The following NAALADL2 variants were observed in gnomAD, a reference collection of about 807,000 sequenced individuals.
NAALADL2 encodes the protein inactive N-acetylated-alpha-linked acidic dipeptidase-like protein 2.
Under a neutral mutation model 87.2 loss-of-function variants are expected in NAALADL2, and 76 were observed. That is an observed-to-expected ratio of 0.87 (90% CI 0.72 to 1.05). The LOEUF is 1.05. Among genes scored for constraint, NAALADL2 ranks in the 50% least tolerant of loss-of-function variants. The pLI is 0.00. For synonymous variants in NAALADL2, 354 were observed against 331.0 expected (o/e 1.07, Z -0.75); for missense variants, 1,089 against 945.8 (o/e 1.15, Z -1.99).
chr3:175,462,607 G>A (rs1723314795), intron 6 of NAALADL2, among the ~76,000 whole-genome samples: 1 of 152,092 alleles, frequency 6.6e-6, no homozygotes, highest in Admixed American at 6.6e-5. Context: ...TTAAACCTCT[G>A]CTTTAAGGAA....
intron 9 of NAALADL2, chr3:175,487,578 C>G (rs1318113231): frequency 6.6e-6 from 3 of 454,826 alleles, no homozygotes; most frequent in Non-Finnish European, 1.3e-5. Context: ...CCACAGAGCT[C>G]TTATATGAAG....
At chr3:174,536,573 C>T (rs979782892) in intron 1 of NAALADL2, 3 of 152,096 alleles carry the variant, frequency 2.0e-5, no homozygotes, top group African/African-American at 7.2e-5. Context: ...TTTTAGAATA[C>T]TGTGTGTCAG....
intron 13 of NAALADL2, among the ~76,000 whole-genome samples, chr3:175,796,459 A>C (rs1753508793): frequency 6.6e-6 from 1 of 152,214 alleles, no homozygotes; most frequent in African/African-American, 2.4e-5. Context: ...CTTAATTCTC[A>C]TTCTGCTTTT....
At chr3:175,650,093 T>G (rs2149785783) in intron 11 of NAALADL2, among the ~76,000 whole-genome samples, 1 of 144,810 alleles carries the variant, frequency 6.9e-6, no homozygotes, top group South Asian at 2.2e-4. Context: ...TTTCTATCAA[T>G]TTTGCAAGTA....
rs751431907 is a variant in NAALADL2 at position 175,544,672 on chromosome 3, G to GT, written c.1654-31363dup. Among the ~76,000 whole-genome samples the GT allele has an allele frequency of 9.5e-4, 145 of 152,186 alleles. 1 individual carries two copies. The highest frequency in any genetic ancestry group is 1.7e-3 in the Non-Finnish European group (117 of 67,974). On this transcript the variant is annotated intron_variant, in intron 9 of 13. Transcript: ENST00000454872. ...TTTGGATATTTGCCTATTTTATAAT[G>GT]TTTTTTCAATGCTCCTTCTCCCTTC...
intron 1 of NAALADL2, among the ~76,000 whole-genome samples, chr3:174,486,707 A>G (rs1003566606): frequency 6.6e-6 from 1 of 151,978 alleles, no homozygotes; most frequent in Non-Finnish European, 1.5e-5. Flanking sequence ...AGCTCCTTAC[A>G]TGCTGGGTAA....
At chr3:174,827,479 T>C (rs541481175) in intron 3 of NAALADL2, among the ~76,000 whole-genome samples, 1 of 152,332 alleles carries the variant, frequency 6.6e-6, no homozygotes, top group South Asian at 2.1e-4. Flanking sequence ...CAAGTCTGTT[T>C]CACATCACTT....
chr3:175,097,172 A>G lies in NAALADL2; in HGVS notation c.426A>G (p.Ile142Met). The part of the protein sequence containing the change: ...ATILFIFGIL[I>M]GYYVHTNCPS... ...TTTTATTTATTTTTGGGATTTTGAT[A>G]GGTTATTATGTACATACAAATTGCC... is the stretch of plus-strand genomic sequence containing the variant. Residue 142 changes from isoleucine to methionine, a missense_variant, in exon 2 of 14, where the codon ATA becomes ATG. Physicochemically the swap from Ile to Met is conservative, Grantham distance 10. Coordinates refer to ENST00000454872, the MANE Select transcript of NAALADL2 (RefSeq NM_207015.3). The G allele has an allele frequency of 6.2e-7, 1 of 1,613,800 alleles. No homozygotes were observed. Among genetic ancestry groups the G allele is most frequent in the Non-Finnish European group, 8.5e-7 (1 of 1,179,724 alleles).
chr3:174,768,677 A>C (rs1714161685), intron 3 of NAALADL2, among the ~76,000 whole-genome samples: 1 of 152,138 alleles, frequency 6.6e-6, no homozygotes, highest in African/African-American at 2.4e-5. Context: ...ATATGGTTAA[A>C]AGTTTGAATA....
At chr3:175,130,761 A>G (rs559230608) in intron 2 of NAALADL2, among the ~76,000 whole-genome samples, 51 of 152,258 alleles carry the variant, frequency 3.3e-4, no homozygotes, top group African/African-American at 1.1e-3. Flanking sequence ...TTTCACTGGT[A>G]TATATGTCTG....
At chr3:174,734,277 T>G in intron 2 of NAALADL2, among the ~76,000 whole-genome samples, 1 of 152,332 alleles carries the variant, frequency 6.6e-6, no homozygotes, top group East Asian at 1.9e-4. Flanking sequence ...CTGAATTATG[T>G]GTGTGTATAG....
chr3:175,016,610 G>T (rs1179006185), intron 1 of NAALADL2, among the ~76,000 whole-genome samples: 1 of 151,564 alleles, frequency 6.6e-6, no homozygotes, highest in Non-Finnish European at 1.5e-5. Context: ...GCAAATTAAA[G>T]AAATCTTCTT....
At chr3:175,014,725 A>G (rs575999840) in intron 1 of NAALADL2, among the ~76,000 whole-genome samples, 2 of 152,276 alleles carry the variant, frequency 1.3e-5, no homozygotes, top group East Asian at 3.9e-4. Context: ...GGATTACAAA[A>G]TTATTTCTGC....
chr3:175,439,433 G>A (rs943358567), intron 5 of NAALADL2, among the ~76,000 whole-genome samples: 3 of 151,896 alleles, frequency 2.0e-5, no homozygotes, highest in Non-Finnish European at 4.4e-5. Context: ...TTTCCATAGT[G>A]GTTGTACTAG....
In NAALADL2 at chr3:175,001,378, C is replaced by T. The variant is rs184845861; in HGVS notation, c.44-95412C>T. On this transcript the variant is annotated intron_variant, in intron 1 of 13. Coordinates refer to ENST00000454872, the MANE Select transcript of NAALADL2 (RefSeq NM_207015.3). ...CACTCCAGATCTCATGAATCAGAATCTACATTTTAATATAATTTCCCAGGT... is the reference window on the plus strand; with the variant it reads ...CACTCCAGATCTCATGAATCAGAATTTACATTTTAATATAATTTCCCAGGT... 2.0e-5 allele frequency among the ~76,000 whole-genome samples: 3 copies of T among 152,260 alleles called. 1 individual carries two copies. The highest frequency in any genetic ancestry group is 2.0e-4 in the Admixed American group (3 of 15,274).
intron 5 of NAALADL2, among the ~76,000 whole-genome samples, chr3:175,391,776 C>A (rs1165823456): frequency 6.6e-6 from 1 of 152,118 alleles, no homozygotes; most frequent in Non-Finnish European, 1.5e-5. Context: ...AAGGCAGGAT[C>A]TTTTTCTGAA....
intron 1 of NAALADL2, among the ~76,000 whole-genome samples, chr3:175,011,468 A>G (rs533692182): frequency 1.3e-5 from 2 of 152,296 alleles, no homozygotes; most frequent in African/African-American, 2.4e-5. Context: ...GACAAATGTG[A>G]TATATAGCAA....
At chr3:174,998,377 G>A (rs1204150913) in intron 1 of NAALADL2, among the ~76,000 whole-genome samples, 1 of 152,156 alleles carries the variant, frequency 6.6e-6, no homozygotes, top group Non-Finnish European at 1.5e-5. Context: ...CATTATTTTA[G>A]ATTTTATTTG....
intron 2 of NAALADL2, among the ~76,000 whole-genome samples, chr3:174,727,690 T>TTCCC (rs1732334062): frequency 6.6e-6 from 1 of 152,274 alleles, no homozygotes; most frequent in Non-Finnish European, 1.5e-5. Flanking sequence ...GTGTGATATA[T>TTCCC]TTGTTATAGT....
Sources: allele counts gnomAD v4.1 joint callset (sites outside exome capture counted in the v4.1 genomes callset), GRCh38; gene constraint gnomAD v4.1.1; transcripts MANE v1.5; gene names NCBI Gene and HGNC (gene_info 2026-07-23, HGNC 2026-07-21).